Variants in PLD5 observed in about 807,000 individuals in gnomAD.
PLD5 encodes the protein phospholipase D family member 5.
A neutral mutation model predicts 61.1 loss-of-function variants in PLD5; 36 were observed. That is an observed-to-expected ratio of 0.59 (90% confidence interval 0.45 to 0.78). The LOEUF (loss-of-function observed/expected upper bound fraction) is 0.78, where lower values mean the gene tolerates loss of function less well. Among genes scored for constraint, PLD5 ranks in the 30% least tolerant of loss-of-function variants. PLD5 has a pLI of 0.00. For synonymous variants in PLD5, 243 were observed against 242.8 expected, an observed-to-expected ratio of 1.00 and a Z score of -0.01; for missense variants, 515 against 644.4, an observed-to-expected ratio of 0.80 and a Z score of 2.17.
chr1:242,428,683 T>C (rs1665560607), intron 1 of PLD5, among the ~76,000 whole-genome samples: 2 of 152,150 alleles, frequency 1.3e-5, no homozygotes, highest in African/African-American at 4.8e-5. Context: ...TTTTCAGTAC[T>C]TTGTAATCTC....
intron 1 of PLD5, among the ~76,000 whole-genome samples, chr1:242,451,930 G>A (rs188347934): frequency 6.6e-5 from 10 of 152,204 alleles, no homozygotes; most frequent in South Asian, 2.1e-4. Context: ...TCAAGTCACC[G>A]TGCTCACCAA....
intron 2 of PLD5, among the ~76,000 whole-genome samples, chr1:242,317,163 A>G (rs758108719): frequency 6.6e-6 from 1 of 151,976 alleles, no homozygotes; most frequent in Non-Finnish European, 1.5e-5. Flanking sequence ...ACAGGCGCCC[A>G]CCACCATGCT....
intron 1 of PLD5, among the ~76,000 whole-genome samples, chr1:242,502,275 G>A (rs935195526): frequency 6.6e-6 from 1 of 152,102 alleles, no homozygotes; most frequent in African/African-American, 2.4e-5. Flanking sequence ...AATGTCGATG[G>A]CCACCGTCTA....
intron 1 of PLD5, among the ~76,000 whole-genome samples, chr1:242,385,628 G>A (rs574978230): frequency 6.6e-6 from 1 of 152,098 alleles, no homozygotes; most frequent in Admixed American, 6.5e-5. Context: ...TCACCCCCAC[G>A]ACCTGGTGTT....
chr1:242,423,401 T>C (rs1665250693), intron 1 of PLD5, among the ~76,000 whole-genome samples: 1 of 152,144 alleles, frequency 6.6e-6, no homozygotes, highest in Non-Finnish European at 1.5e-5. Context: ...AAGTGTCATA[T>C]CTGAAAGGAT....
At chr1:242,488,904 G>A (rs1408803045) in intron 1 of PLD5, among the ~76,000 whole-genome samples, 2 of 152,046 alleles carry the variant, frequency 1.3e-5, no homozygotes, top group Non-Finnish European at 2.9e-5. Flanking sequence ...TCGTCTAAAA[G>A]TAAAGACTCT....
chr1:242,281,163 A>G (rs1225688897), intron 3 of PLD5, among the ~76,000 whole-genome samples: 3 of 152,244 alleles, frequency 2.0e-5, no homozygotes, highest in African/African-American at 7.2e-5. Flanking sequence ...AATGTTAATA[A>G]TATCATTTAC....
intron 1 of PLD5, among the ~76,000 whole-genome samples, chr1:242,400,544 A>C (rs1009693346): frequency 6.6e-6 from 1 of 152,146 alleles, no homozygotes; most frequent in Non-Finnish European, 1.5e-5. Context: ...TCAAGTACCT[A>C]CTATATACCA....
At chr1:242,406,352 A>G (rs1314902084) in intron 1 of PLD5, among the ~76,000 whole-genome samples, 1 of 152,224 alleles carries the variant, frequency 6.6e-6, no homozygotes, top group Non-Finnish European at 1.5e-5. Flanking sequence ...TGTCTCCACT[A>G]AGAGAGCTAA....
chr1:242,376,952 T>C, intron 1 of PLD5: 2 of 1,609,818 alleles, frequency 1.2e-6, no homozygotes, highest in Non-Finnish European at 1.7e-6. Flanking sequence ...TCCTTTTGGA[T>C]TTGATGAAGG....
At chr1:242,112,401 T>C (rs1391372831) in intron 7 of PLD5, among the ~76,000 whole-genome samples, 3 of 151,648 alleles carry the variant, frequency 2.0e-5, no homozygotes, top group Non-Finnish European at 4.4e-5. Context: ...TGGTGTGATC[T>C]TGGCTCACTG....
At chr1:242,329,016 A>AT (rs1363924708) in intron 2 of PLD5, among the ~76,000 whole-genome samples, 2 of 29,532 alleles carry the variant, frequency 6.8e-5, no homozygotes, top group East Asian at 2.1e-3. Context: ...TTATTTATTT[A>AT]TTATTTTTTT....
At chr1:242,315,218 A>C (rs7544591) in intron 2 of PLD5, among the ~76,000 whole-genome samples, 45,450 of 151,972 alleles carry the variant, frequency 0.3, 7,803 homozygotes, top group African/African-American at 0.46. Flanking sequence ...AGGCACCAAA[A>C]CTTAACTAAT....
At chr1:242,342,222 G>A (rs1420668254) in intron 2 of PLD5, among the ~76,000 whole-genome samples, 1 of 152,180 alleles carries the variant, frequency 6.6e-6, no homozygotes, top group Non-Finnish European at 1.5e-5. Context: ...TCTAGTGAGT[G>A]TCTAATAGTG....
chr1:242,375,806 G>T (rs1269479554), intron 1 of PLD5, among the ~76,000 whole-genome samples: 1 of 152,076 alleles, frequency 6.6e-6, no homozygotes, highest in Non-Finnish European at 1.5e-5. Context: ...AACTAAACCC[G>T]GGTGGCTCAG....
chr1:242,518,528 T>C (rs1199264782), intron 1 of PLD5, among the ~76,000 whole-genome samples: 1 of 152,204 alleles, frequency 6.6e-6, no homozygotes, highest in East Asian at 1.9e-4. Context: ...TACTGCCATG[T>C]CCCAGAATTC....
intron 2 of PLD5, among the ~76,000 whole-genome samples, chr1:242,342,340 C>T (rs2149214040): frequency 6.6e-6 from 1 of 152,264 alleles, no homozygotes; most frequent in Admixed American, 6.5e-5. Context: ...AAGACCTCTC[C>T]TCTGAAAGGG....
rs138772109 is a variant in PLD5 at position 242,475,012 on chromosome 1, A to T, written c.189+49076T>A. On this transcript the variant is annotated intron_variant, in intron 1 of 9. Transcript: ENST00000536534. ...TTTCTTAGTTATTCATGCATCTCTC[A>T]TGTCCAGCATAGTGCCTGGCAAAAC... Among the ~76,000 whole-genome samples the T allele has an allele frequency of 2.6e-4, 40 of 152,326 alleles. 1 individual carries two copies. The highest frequency in any genetic ancestry group is 9.6e-4 in the African/African-American group (40 of 41,578).
chr1:242,305,523 T>C (rs187165355), intron 2 of PLD5, among the ~76,000 whole-genome samples: 9,059 of 152,068 alleles, frequency 0.06, 310 homozygotes, highest in Middle Eastern at 0.11. Flanking sequence ...CATCCAGGGC[T>C]AAAAGCGGAG....
Sources: gnomAD v4.1 joint callset for allele counts (sites outside exome capture counted in the v4.1 genomes callset) on GRCh38, gnomAD v4.1.1 for gene constraint, MANE v1.5 for transcripts, NCBI Gene and HGNC (gene_info 2026-07-23, HGNC 2026-07-21) for gene names.